FGF12: variants seen among roughly 807,000 people sequenced by gnomAD.
The protein encoded by FGF12 is fibroblast growth factor 12B.
FGF12 carries 14 observed loss-of-function variants against 23.6 expected under a neutral mutation model. That is an observed-to-expected ratio of 0.59 (90% CI 0.39 to 0.93). The LOEUF (loss-of-function observed/expected upper bound fraction) is 0.93, where lower values mean the gene tolerates loss of function less well. Ranked by LOEUF, FGF12 falls within the 40% of genes least tolerant of loss-of-function variation. The pLI is 0.00. For synonymous variants in FGF12, 62 were observed against 77.3 expected, an observed-to-expected ratio of 0.80 and a Z score of 1.04; for missense variants, 175 against 217.8, an observed-to-expected ratio of 0.80 and a Z score of 1.24.
intron 2 of FGF12, among the ~76,000 whole-genome samples, chr3:192,656,852 T>G (rs1716446477): frequency 6.6e-6 from 1 of 152,174 alleles, no homozygotes; most frequent in Non-Finnish European, 1.5e-5. Context: ...CACAGGAAGC[T>G]TGAAATGCAT....
At position 192,410,141 on chromosome 3, in the gene FGF12, G is replaced by C. The variant is rs577859389; in HGVS notation, c.14-49603C>G. 9.9e-5 allele frequency among the ~76,000 whole-genome samples: 15 copies of C among 152,202 alleles called. No homozygotes were observed. The South Asian group carries it at 2.9e-3, about 29-fold the overall frequency. On this transcript the variant is annotated intron_variant, in intron 2 of 5. Transcript: ENST00000445105. ...ACGGCCCGCCGACCCACGGAAGAGC[G>C]AAAGAGCGCCCAGGTGGGGCCGAGC...
At chr3:192,608,008 C>T (rs2108637125) in intron 2 of FGF12, among the ~76,000 whole-genome samples, 1 of 152,176 alleles carries the variant, frequency 6.6e-6, no homozygotes. Context: ...AAAACTGGAT[C>T]ATTGAGGCCA....
Position 192,627,898 on chromosome 3 carries a change from A to G in FGF12, c.13+99283T>C, listed in dbSNP as rs562993797. On this transcript the variant is annotated intron_variant, in intron 2 of 5. Transcript: ENST00000445105. ...TGTGTGTTTAGTTATATACAATTTT[A>G]TCATATGTAGAGGTTCATGTGGAGG... 8.0e-5 allele frequency among the ~76,000 whole-genome samples: 12 copies of G among 150,612 alleles called. No individual in the cohort carries two copies. In the South Asian group the frequency reaches 2.5e-3, roughly 31 times the overall value.
chr3:192,330,292 A>C (rs117852808), intron 4 of FGF12, among the ~76,000 whole-genome samples: 5,669 of 152,258 alleles, frequency 0.037, 205 homozygotes, highest in South Asian at 0.17. Context: ...AAAATAAATA[A>C]ATAAAGCTGT....
At chr3:192,217,611 T>C (rs1718258193) in intron 4 of FGF12, among the ~76,000 whole-genome samples, 2 of 152,194 alleles carry the variant, frequency 1.3e-5, no homozygotes, top group Admixed American at 1.3e-4. Flanking sequence ...GTTTTATGAA[T>C]AACTTAGAAT....
chr3:192,615,724 A>G (rs749567042), intron 2 of FGF12, among the ~76,000 whole-genome samples: 6 of 152,010 alleles, frequency 3.9e-5, no homozygotes, highest in Non-Finnish European at 8.8e-5. Context: ...AATGTTTGGC[A>G]AGAAGATAAT....
chr3:192,276,758 C>T (rs1162124645), intron 4 of FGF12, among the ~76,000 whole-genome samples: 1 of 152,040 alleles, frequency 6.6e-6, no homozygotes, highest in Non-Finnish European at 1.5e-5. Context: ...CCTTTCTGTA[C>T]AAAAATTGGC....
intron 4 of FGF12, among the ~76,000 whole-genome samples, chr3:192,297,716 T>A (rs1715121115): frequency 6.6e-6 from 1 of 152,186 alleles, no homozygotes; most frequent in Non-Finnish European, 1.5e-5. Context: ...ATGGTTTGGA[T>A]AAGTTCAAAA....
chr3:192,545,667 G>T (rs916001854), intron 2 of FGF12, among the ~76,000 whole-genome samples: 1 of 152,168 alleles, frequency 6.6e-6, no homozygotes, highest in Non-Finnish European at 1.5e-5. Context: ...AATATCCAGA[G>T]GGTTCTTTTA....
At chr3:192,438,869 A>G (rs939954378) in intron 2 of FGF12, among the ~76,000 whole-genome samples, 1 of 152,254 alleles carries the variant, frequency 6.6e-6, no homozygotes, top group Admixed American at 6.5e-5. Context: ...GAACTGAAAC[A>G]GAACAGGTTG....
intron 2 of FGF12, among the ~76,000 whole-genome samples, chr3:192,380,799 G>T (rs1719783069): frequency 6.6e-6 from 1 of 151,882 alleles, no homozygotes; most frequent in South Asian, 2.1e-4. Context: ...TTCATGCCTA[G>T]GCCAGTACTA....
At chr3:192,311,505 A>C (rs903951505) in intron 4 of FGF12, among the ~76,000 whole-genome samples, 2 of 152,208 alleles carry the variant, frequency 1.3e-5, no homozygotes, top group Non-Finnish European at 2.9e-5. Context: ...ATAATATTCC[A>C]TTGTATGAAT....
intron 2 of FGF12, among the ~76,000 whole-genome samples, chr3:192,712,266 C>T (rs939863560): frequency 1.3e-5 from 2 of 150,270 alleles, no homozygotes; most frequent in African/African-American, 4.9e-5. Context: ...AATACCAGAA[C>T]AAAACAACAA....
At chr3:192,654,012 C>T (rs1489232370) in intron 2 of FGF12, among the ~76,000 whole-genome samples, 1 of 152,210 alleles carries the variant, frequency 6.6e-6, no homozygotes, top group African/African-American at 2.4e-5. Context: ...AGGCATGAGC[C>T]ACAGCACCTG....
At chr3:192,510,898 C>T (rs1281369507) in intron 2 of FGF12, among the ~76,000 whole-genome samples, 1 of 152,164 alleles carries the variant, frequency 6.6e-6, no homozygotes, top group Admixed American at 6.5e-5. Context: ...ATTATTCCAA[C>T]CATATGGCAT....
At chr3:192,449,073 TC>T (rs1722445938) in intron 2 of FGF12, among the ~76,000 whole-genome samples, 1 of 152,212 alleles carries the variant, frequency 6.6e-6, no homozygotes, top group African/African-American at 2.4e-5. Context: ...ATTCAGTCCT[TC>T]CGATACCTGC....
At chr3:192,597,236 G>A (rs943705360) in intron 2 of FGF12, among the ~76,000 whole-genome samples, 3 of 152,130 alleles carry the variant, frequency 2.0e-5, no homozygotes, top group African/African-American at 7.2e-5. Context: ...AGAACATATT[G>A]AGTGAAGTGT....
intron 2 of FGF12, among the ~76,000 whole-genome samples, chr3:192,539,404 GT>G (rs1273145174): frequency 6.6e-6 from 1 of 152,008 alleles, no homozygotes; most frequent in Non-Finnish European, 1.5e-5. Context: ...ATGATCATGT[GT>G]TTTTTGTATT....
chr3:192,237,425 T>C (rs1719359411), intron 4 of FGF12, among the ~76,000 whole-genome samples: 1 of 152,218 alleles, frequency 6.6e-6, no homozygotes, highest in African/African-American at 2.4e-5. Context: ...TTCTCAAATA[T>C]GTTTTCCAAG....
Sources: allele counts gnomAD v4.1 joint callset (sites outside exome capture counted in the v4.1 genomes callset), GRCh38; gene constraint gnomAD v4.1.1; transcripts MANE v1.5; gene names NCBI Gene and HGNC (gene_info 2026-07-23, HGNC 2026-07-21).